Variants in ADAMTS16 observed in about 807,000 individuals in gnomAD.
ADAMTS16 encodes ADAM metallopeptidase with thrombospondin type 1 motif 16, also known as A disintegrin and metalloproteinase with thrombospondin motifs 16.
ADAMTS16 carries 94 observed loss-of-function variants against 145.8 expected under a neutral mutation model. The observed-to-expected ratio is 0.64, with a 90% CI of 0.55 to 0.77. The LOEUF is 0.77. Among genes scored for constraint, ADAMTS16 ranks in the 30% least tolerant of loss-of-function variants. The pLI is 0.00. For missense variants in ADAMTS16, 1,585 were observed against 1,591.5 expected (o/e 1.00, Z 0.07); for synonymous variants, 659 against 604.3 (o/e 1.09, Z -1.33).
intron 2 of ADAMTS16, among the ~76,000 whole-genome samples, chr5:5,144,917 G>A (rs1225821168): frequency 1.3e-5 from 2 of 152,160 alleles, no homozygotes; most frequent in East Asian, 1.9e-4. Context: ...AGCCAACTGT[G>A]GAAAGAGTGG....
intron 17 of ADAMTS16, among the ~76,000 whole-genome samples, chr5:5,246,314 C>T (rs892664081): frequency 6.6e-6 from 1 of 152,136 alleles, no homozygotes; most frequent in Non-Finnish European, 1.5e-5. Flanking sequence ...AAATATTCAT[C>T]CAATTCACAG....
At chr5:5,171,628 G>A (rs1209520008) in intron 3 of ADAMTS16, among the ~76,000 whole-genome samples, 2 of 152,076 alleles carry the variant, frequency 1.3e-5, no homozygotes, top group Non-Finnish European at 2.9e-5. Context: ...AATCCTACTT[G>A]GTCATGATGA....
Position 5,186,170 on chromosome 5 carries a change from C to T in ADAMTS16, c.882C>T (p.Thr294=). ...SHRNEELNVE[T]LVVVDKKMMQ... is the part of the protein sequence containing the mutation. ...GAAATGAAGAACTGAACGTGGAGAC[C>T]TTGGTGGTGGTCGACAAAAAGATGA... Residue 294 remains threonine (T), a synonymous_variant, in exon 5 of 23, where the codon ACC becomes ACT. Transcript: ENST00000274181. The T allele has an allele frequency of 6.2e-7, 1 of 1,614,016 alleles. No homozygotes were observed. Among genetic ancestry groups the T allele is most frequent in the Non-Finnish European group, 8.5e-7 (1 of 1,180,012 alleles).
In ADAMTS16 at chr5:5,317,958, G is replaced by A. The variant is rs1263763052; in HGVS notation, c.3412-176G>A. Among the ~76,000 whole-genome samples the A allele has an allele frequency of 6.6e-6, 1 of 152,194 alleles. No homozygotes were observed. The highest frequency in any genetic ancestry group is 2.4e-5 in the African/African-American group (1 of 41,446). ...CTTGCTTCTGGAAAAGGTGAGCAGG[G>A]ACCGTGCTCACTCGCGCACATCGTG... On this transcript the variant is annotated intron_variant, in intron 21 of 22. Transcript: ENST00000274181. The surrounding 1 kb of genome is among the most constrained non-coding windows in gnomAD (Gnocchi z 4.5).
Position 5,268,482 on chromosome 5 carries a change from C to T in ADAMTS16, c.2789+5699C>T, listed in dbSNP as rs534678422. Among the ~76,000 whole-genome samples the T allele has an allele frequency of 1.7e-3, 263 of 152,274 alleles. 1 individual carries two copies. The highest frequency in any genetic ancestry group is 2.6e-3 in the Non-Finnish European group (180 of 68,018). On this transcript the variant is annotated intron_variant, in intron 18 of 22. Coordinates refer to ENST00000274181, the MANE Select transcript of ADAMTS16 (RefSeq NM_139056.4). The stretch of plus-strand genomic sequence containing the variant: ...TCAGTTTGTCAACATTAAATCCACC[C>T]GTGGGATCCTTCCAACGCACCTACC...
chr5:5,289,743 C>T (rs982911578), intron 18 of ADAMTS16, among the ~76,000 whole-genome samples: 2 of 152,210 alleles, frequency 1.3e-5, no homozygotes, highest in Admixed American at 1.3e-4. Context: ...TATTCATGTA[C>T]ATGGGGTTTC....
chr5:5,238,302 C>T (rs1160534694), intron 14 of ADAMTS16, among the ~76,000 whole-genome samples: 1 of 152,148 alleles, frequency 6.6e-6, no homozygotes. Context: ...AAAGCCTGCC[C>T]TGAACTGATG....
At chr5:5,182,411 T>A in intron 4 of ADAMTS16, 106 bp downstream of exon 4, 1 of 1,424,024 alleles carries the variant, frequency 7.0e-7, no homozygotes, top group South Asian at 1.4e-5. Flanking sequence ...CGGGGTGAAA[T>A]CTATGGACTG....
At chr5:5,231,021 A>G (rs1475453971) in intron 11 of ADAMTS16, among the ~76,000 whole-genome samples, 1 of 152,174 alleles carries the variant, frequency 6.6e-6, no homozygotes, top group African/African-American at 2.4e-5. Flanking sequence ...GGGAAAAGAA[A>G]ACGACAACAA....
At chr5:5,187,244 A>G (rs560078285) in intron 5 of ADAMTS16, among the ~76,000 whole-genome samples, 2 of 152,166 alleles carry the variant, frequency 1.3e-5, no homozygotes, top group Non-Finnish European at 2.9e-5. Context: ...TGCCACTGTG[A>G]TCACTCATTT....
chr5:5,311,532 T>C (rs1704214376), intron 21 of ADAMTS16, among the ~76,000 whole-genome samples: 1 of 142,896 alleles, frequency 7.0e-6, no homozygotes, highest in South Asian at 2.3e-4. Context: ...GGCGTTGCTG[T>C]GTATTAGTCT....
chr5:5,303,988 A>T (rs193266624), intron 20 of ADAMTS16, among the ~76,000 whole-genome samples: 1 of 152,158 alleles, frequency 6.6e-6, no homozygotes, highest in Non-Finnish European at 1.5e-5. Flanking sequence ...CGTCCACGTC[A>T]TCATCACTGG....
intron 18 of ADAMTS16, among the ~76,000 whole-genome samples, chr5:5,277,933 GA>G (rs1738764903): frequency 6.6e-6 from 1 of 152,030 alleles, no homozygotes; most frequent in Admixed American, 6.6e-5. Flanking sequence ...AGTGAGCTAT[GA>G]TCATGCCACT....
chr5:5,147,259 TAGAC>T (rs1206608055), intron 3 of ADAMTS16, among the ~76,000 whole-genome samples: 1 of 152,176 alleles, frequency 6.6e-6, no homozygotes, highest in South Asian at 2.1e-4. Context: ...AAGTGTGACT[TAGAC>T]AGCAGAGTGA....
intron 3 of ADAMTS16, among the ~76,000 whole-genome samples, chr5:5,153,951 T>C (rs1425713165): frequency 2.0e-5 from 3 of 152,196 alleles, no homozygotes; most frequent in Non-Finnish European, 4.4e-5. Context: ...TTGACACTTA[T>C]TCAGGGCCCT....
chr5:5,301,307 C>T (rs1486197749), intron 18 of ADAMTS16, among the ~76,000 whole-genome samples: 1 of 152,196 alleles, frequency 6.6e-6, no homozygotes, highest in African/African-American at 2.4e-5. Flanking sequence ...AAGCATCCTC[C>T]TTCTAGGCTT....
intron 11 of ADAMTS16, among the ~76,000 whole-genome samples, chr5:5,230,598 C>T (rs564140032): frequency 3.9e-5 from 6 of 152,260 alleles, no homozygotes; most frequent in Non-Finnish European, 8.8e-5. Context: ...GTTTCAAGGG[C>T]TCCTGTACTA....
At chr5:5,148,172 A>G (rs1734354990) in intron 3 of ADAMTS16, among the ~76,000 whole-genome samples, 1 of 152,276 alleles carries the variant, frequency 6.6e-6, no homozygotes, top group Non-Finnish European at 1.5e-5. Context: ...TGTCTTCTTC[A>G]TTAATCTTCC....
chr5:5,234,223 C>G (rs1320699946), intron 12 of ADAMTS16, among the ~76,000 whole-genome samples: 1 of 152,260 alleles, frequency 6.6e-6, no homozygotes, highest in Admixed American at 6.5e-5. Context: ...CAGTGCCAAC[C>G]AGCAAAGGTG....
Sources: allele counts gnomAD v4.1 joint callset (sites outside exome capture counted in the v4.1 genomes callset), GRCh38; gene constraint gnomAD v4.1.1; non-coding constraint Gnocchi (gnomAD v3.1); transcripts MANE v1.5; gene names NCBI Gene and HGNC (gene_info 2026-07-23, HGNC 2026-07-21).